The following MTO1 variants were observed in gnomAD, a reference collection of about 807,000 sequenced individuals.
MTO1 encodes the protein 5-taurinomethyluridine-[tRNA] synthase subunit MTO1, mitochondrial.
A neutral mutation model predicts 71.6 loss-of-function variants in MTO1; 46 were observed. The ratio of observed to expected loss-of-function variants is 0.64; its 90% CI spans 0.51 to 0.82. The LOEUF is 0.82. MTO1 is among the 40% of genes least tolerant of loss of function. MTO1 has a pLI of 0.00. For synonymous variants in MTO1, 297 were observed against 312.1 expected, an observed-to-expected ratio of 0.95 and a Z score of 0.51; for missense variants, 773 against 867.5, an observed-to-expected ratio of 0.89 and a Z score of 1.37.
chr6:73,497,022 C>G (rs946245921), intron 10 of MTO1, among the ~76,000 whole-genome samples: 4 of 150,966 alleles, frequency 2.6e-5, no homozygotes, highest in African/African-American at 9.7e-5. Context: ...CCACTGCATT[C>G]CAGCCTAGGC....
In MTO1 at chr6:73,502,441, CAAA is replaced by C. The variant is rs377595750; in HGVS notation, c.*1712_*1714del. The C allele has an allele frequency of 2.0e-5, 3 of 150,236 alleles. No individual in the cohort carries two copies. Among genetic ancestry groups the C allele is most frequent in the African/African-American group, 7.3e-5 (3 of 40,844 alleles). The allele number at this position is 150,236 out of a possible 1,614,324, so 9.3% of individuals were successfully genotyped here. ...CCTGGGCGACAGAGTGAGACTGTTT[CAAA>C]AAAAAGAAAAAGAAAAGAAGGTATT... On this transcript the variant is annotated 3_prime_UTR_variant, in exon 12 of 12. Transcript: ENST00000498286.
chr6:73,480,365 C>A, intron 6 of MTO1: 1 of 670,166 alleles, frequency 1.5e-6, no homozygotes, highest in Non-Finnish European at 2.7e-6. Flanking sequence ...CTCCCCCTGC[C>A]AGGTTCGTGA....
intron 3 of MTO1, among the ~76,000 whole-genome samples, chr6:73,469,060 G>C (rs1400162487): frequency 6.6e-6 from 1 of 152,090 alleles, no homozygotes; most frequent in African/African-American, 2.4e-5. Flanking sequence ...CCAGGATGGA[G>C]TGCAGTGGCA....
chr6:73,496,926 G>T (rs1159936576), intron 10 of MTO1, among the ~76,000 whole-genome samples: 1 of 151,284 alleles, frequency 6.6e-6, no homozygotes, highest in Non-Finnish European at 1.5e-5. Flanking sequence ...GGTGGCTTGC[G>T]TCTATAATCC....
At chr6:73,499,648 C>T (rs1330926893) in intron 11 of MTO1, among the ~76,000 whole-genome samples, 1 of 152,180 alleles carries the variant, frequency 6.6e-6, no homozygotes, top group East Asian at 1.9e-4. Context: ...TGCATTATTG[C>T]AGTGCACATG....
intron 7 of MTO1, 132 bp downstream of exon 7, chr6:73,480,937 G>T: frequency 1.1e-6 from 1 of 926,774 alleles, no homozygotes; most frequent in Non-Finnish European, 1.5e-6. Context: ...TATGTTTCAG[G>T]GTGTTTGGAG....
chr6:73,462,350 A>AAG lies in MTO1; in HGVS notation c.217+280_217+281insGA, dbSNP rs529107045. 0.19 allele frequency: 97,207 copies of AAG among 510,736 alleles called. 9,585 individuals are homozygous for AAG. The highest frequency in any genetic ancestry group is 0.26 in the African/African-American group (13,503 of 52,470). 31.6% of individuals were successfully genotyped at this position (510,736 alleles called of 1,614,324 possible). On this transcript the variant is annotated intron_variant, in intron 1 of 11. Coordinates refer to ENST00000498286, the MANE Select transcript of MTO1 (RefSeq NM_012123.4). ...CAGTGCCTTGGGAAAGGGAGCTACC[A>AAG]ACTACTCGCTGGTAGCTTCTTAGTT...
chr6:73,468,004 A>T (rs1582672216), intron 3 of MTO1, among the ~76,000 whole-genome samples: 2 of 151,304 alleles, frequency 1.3e-5, no homozygotes, highest in East Asian at 3.9e-4. Flanking sequence ...TATTTTTAGT[A>T]GAGATGGGGT....
At position 73,497,684 on chromosome 6, in the gene MTO1, T is replaced by TTA. The variant is rs545929322; in HGVS notation, c.1757-51_1757-50dup. ...TAAGAGGCTACATAAATGTAAGTTGTTAGTATAATATAATCTGGGTATTAT... is the reference window on the plus strand; with the variant it reads ...TAAGAGGCTACATAAATGTAAGTTGTTATAGTATAATATAATCTGGGTATTAT... On this transcript the variant is annotated intron_variant, in intron 10 of 11. Transcript: ENST00000498286. 805 of 1,522,038 alleles carry TTA rather than the reference T, an allele frequency of 5.3e-4. 8 individuals are homozygous for TTA. The South Asian group carries it at 9.3e-3, about 18-fold the overall frequency. The allele number at this position is 1,522,038 out of a possible 1,614,324, so 94.3% of individuals were successfully genotyped here.
intron 10 of MTO1, among the ~76,000 whole-genome samples, chr6:73,497,050 C>T (rs575611977): frequency 6.6e-6 from 1 of 150,818 alleles, no homozygotes; most frequent in African/African-American, 2.4e-5. Context: ...AAGACTCTGT[C>T]TCAAAAAAAG....
Position 73,479,940 on chromosome 6 carries a change from T to C in MTO1, c.943T>C (p.Cys315Arg). 2 of 1,612,016 alleles carry C rather than the reference T, an allele frequency of 1.2e-6. No individual in the cohort carries two copies. The highest frequency in any genetic ancestry group is 1.7e-6 in the Non-Finnish European group (2 of 1,178,860). The change falls in exon 6 of 12, where the codon TGT becomes CGT. Residue 315 changes from cysteine to arginine, a missense_variant. Cys to Arg is a radical substitution (Grantham distance 180, BLOSUM62 -3). Coordinates refer to ENST00000498286, the MANE Select transcript of MTO1 (RefSeq NM_012123.4). ...TATTTAAATGTTCTATTCTAGATAC[T>C]GTCCCTCCATTGAATCAAAAGTTTT... ...VKETTRGPRYCPSIESKVLRF... is the reference protein window; with the variant it reads ...VKETTRGPRYRPSIESKVLRF...
chr6:73,482,224 A>C lies in MTO1; in HGVS notation c.1445A>C (p.Asp482Ala), dbSNP rs1485460497. 7.4e-6 allele frequency: 12 copies of C among 1,614,108 alleles called. No individual in the cohort carries two copies. Among genetic ancestry groups the C allele is most frequent in the Non-Finnish European group, 1.0e-5 (12 of 1,180,028 alleles). The change falls in exon 8 of 12, where the codon GAC (aspartate) becomes GCC (alanine). Residue 482 changes from aspartate to alanine, a missense_variant. Transcript: ENST00000498286. Reference protein sequence around the residue: ...FRLSLRPDNADSRLTLRGYKD... With the variant: ...FRLSLRPDNAASRLTLRGYKD... ...TTGTCACTGCGCCCTGATAATGCTG[A>C]CAGCCGGCTCACACTGCGAGGTAAC... is the stretch of plus-strand genomic sequence containing the variant.
At position 73,505,745 on chromosome 6, in the gene MTO1, G is replaced by A. The variant is rs117209686; in HGVS notation, c.*5010G>A. The A allele has an allele frequency of 0.06, 9,166 of 152,056 alleles. 363 individuals are homozygous for A. The highest frequency in any genetic ancestry group is 0.12 in the Middle Eastern group (34 of 292). The allele number at this position is 152,056 out of a possible 1,614,324, so 9.4% of individuals were successfully genotyped here. A position where few individuals can be genotyped will look rare whatever the true frequency, so the allele number is the denominator to read the frequency against. ...ATTTTTGTATTTTTAATAGAGACAG[G>A]GTTTCACAGGTTGGCCAAGCTAGTC... On this transcript the variant is annotated 3_prime_UTR_variant, in exon 12 of 12. Coordinates refer to ENST00000498286, the MANE Select transcript of MTO1 (RefSeq NM_012123.4).
At chr6:73,471,966 A>G (rs1771171922) in intron 3 of MTO1, among the ~76,000 whole-genome samples, 3 of 151,916 alleles carry the variant, frequency 2.0e-5, no homozygotes, top group African/African-American at 7.2e-5. Flanking sequence ...AGTCCCCATT[A>G]CCTGAAGAAT....
At chr6:73,479,635 T>C (rs1771428295) in intron 4 of MTO1, 97 bp from the exon 5 acceptor site, 2 of 872,988 alleles carry the variant, frequency 2.3e-6, no homozygotes, top group Admixed American at 2.5e-5. Flanking sequence ...AAGTTTAGTG[T>C]CTATTAAAGT....
At chr6:73,482,832 C>T (rs1010215594) in intron 9 of MTO1, among the ~76,000 whole-genome samples, 1 of 128,050 alleles carries the variant, frequency 7.8e-6, no homozygotes, top group African/African-American at 2.9e-5. Context: ...CGCTCTTTCA[C>T]CCAGGCCAGA....
chr6:73,484,494 A>G (rs921139984), intron 9 of MTO1, among the ~76,000 whole-genome samples: 2 of 152,020 alleles, frequency 1.3e-5, no homozygotes, highest in African/African-American at 4.8e-5. Flanking sequence ...AAGCGCCAGA[A>G]CCCTCATGCC....
chr6:73,498,342 C>G (rs1452093018), intron 11 of MTO1, among the ~76,000 whole-genome samples: 1 of 151,656 alleles, frequency 6.6e-6, no homozygotes, highest in African/African-American at 2.4e-5. Context: ...TTGATTGGAA[C>G]TATTCTCTAG....
At chr6:73,490,525 A>G (rs990085015) in intron 9 of MTO1, among the ~76,000 whole-genome samples, 2 of 151,748 alleles carry the variant, frequency 1.3e-5, no homozygotes, top group African/African-American at 4.8e-5. Context: ...CCAGTTTTCT[A>G]TTTCTGGGTT....
Sources: allele counts gnomAD v4.1 joint callset (sites outside exome capture counted in the v4.1 genomes callset), GRCh38; gene constraint gnomAD v4.1.1; transcripts MANE v1.5; gene names NCBI Gene and HGNC (gene_info 2026-07-23, HGNC 2026-07-21).